The following MTBP variants were observed in gnomAD, a reference collection of about 807,000 sequenced individuals.
MTBP encodes the protein mdm2-binding protein.
Under a neutral mutation model 117.0 loss-of-function variants are expected in MTBP, and 101 were observed. The ratio of observed to expected loss-of-function variants is 0.86; its 90% confidence interval spans 0.73 to 1.02. The LOEUF (loss-of-function observed/expected upper bound fraction) is 1.02. MTBP is among the 50% of genes least tolerant of loss of function. The pLI is 0.00. For missense variants in MTBP, 970 were observed against 1,030.9 expected (o/e 0.94, Z 0.81); for synonymous variants, 350 against 351.5 (o/e 1.00, Z 0.05).
chr8:120,457,011 T>G (rs911262917), intron 7 of MTBP, among the ~76,000 whole-genome samples: 1 of 152,178 alleles, frequency 6.6e-6, no homozygotes, highest in African/African-American at 2.4e-5. Flanking sequence ...TTAATCGAGT[T>G]CATGTTGTTT....
At position 120,446,626 on chromosome 8, in the gene MTBP, A is replaced by G. The variant is rs193083272; in HGVS notation, c.199+113A>G. On this transcript the variant is annotated intron_variant, in intron 2 of 21. Coordinates refer to ENST00000305949, the MANE Select transcript of MTBP (RefSeq NM_022045.5). The stretch of plus-strand genomic sequence containing the variant: ...AATACTTCTTGACTGTGTACAAGGC[A>G]CTGAGTTACAGAGATAACTAAGGGA... The G allele has an allele frequency of 5.8e-6, 4 of 683,950 alleles. No individual in the cohort carries two copies. In the East Asian group the frequency reaches 1.0e-4, roughly 17 times the overall value. 42.4% of individuals were successfully genotyped at this position (683,950 alleles called of 1,614,324 possible).
intron 16 of MTBP, among the ~76,000 whole-genome samples, chr8:120,507,882 AT>A (rs1381373090): frequency 3.9e-5 from 6 of 152,102 alleles, no homozygotes; most frequent in Non-Finnish European, 7.4e-5. Context: ...GTTTTCATCT[AT>A]TTAGTTATTG....
In MTBP at chr8:120,522,699, G is replaced by C; in HGVS notation, c.2656G>C (p.Ala886Pro). ...TCTATTTGAAGAAATGAAGAAAACA[G>C]CAAACAACAATGCTGTACAGGTAAA... ...RGLFEEMKKT[A>P]NNNAVQVIDW... Residue 886 changes from alanine to proline, a missense_variant, in exon 21 of 22, where the codon GCA (alanine) becomes CCA (proline). Ala to Pro is a conservative substitution (Grantham distance 27). Transcript: ENST00000305949. The C allele has an allele frequency of 6.2e-7, 1 of 1,606,142 alleles. No homozygotes were observed. Among genetic ancestry groups the C allele is most frequent in the South Asian group, 1.1e-5 (1 of 90,078 alleles).
intron 2 of MTBP, among the ~76,000 whole-genome samples, chr8:120,446,996 C>A (rs1170775064): frequency 6.6e-6 from 1 of 152,146 alleles, no homozygotes; most frequent in African/African-American, 2.4e-5. Flanking sequence ...AAGTATTTCG[C>A]TTTTTTGACC....
intron 14 of MTBP, among the ~76,000 whole-genome samples, chr8:120,499,118 T>A (rs1358665013): frequency 1.3e-5 from 2 of 152,200 alleles, no homozygotes; most frequent in Non-Finnish European, 2.9e-5. Context: ...CTTCATATGG[T>A]TTGTAAAAAC....
chr8:120,485,819 A>G (rs1312721889), intron 11 of MTBP, among the ~76,000 whole-genome samples: 2 of 152,152 alleles, frequency 1.3e-5, no homozygotes, highest in African/African-American at 4.8e-5. Flanking sequence ...TGAGTTGGCT[A>G]GGCAATTTTA....
chr8:120,459,302 C>CT lies in MTBP; in HGVS notation c.837dup (p.Ala280CysfsTer10). 10 of 1,611,692 alleles carry CT rather than the reference C, an allele frequency of 6.2e-6. No individual in the cohort carries two copies. Among genetic ancestry groups the CT allele is most frequent in the Non-Finnish European group, 8.5e-6 (10 of 1,179,048 alleles). On this transcript the variant is annotated frameshift_variant, in exon 8 of 22. Coordinates refer to ENST00000305949, the MANE Select transcript of MTBP (RefSeq NM_022045.5). LOFTEE classifies it high-confidence loss of function. ...TACTTCTAATTTAAATACTGACTTC[C>CT]TTGCCAAAAAGATCATACCATCAAA...
intron 17 of MTBP, among the ~76,000 whole-genome samples, chr8:120,513,949 C>G (rs773155159): frequency 6.6e-6 from 1 of 151,886 alleles, no homozygotes; most frequent in Non-Finnish European, 1.5e-5. Context: ...GTTCTACTCC[C>G]TACTCTGCCA....
chr8:120,506,423 A>G (rs998547878), intron 15 of MTBP, among the ~76,000 whole-genome samples: 1 of 152,150 alleles, frequency 6.6e-6, no homozygotes, highest in African/African-American at 2.4e-5. Context: ...AGATAATGTA[A>G]TTATGTTTCT....
At chr8:120,480,693 A>G (rs1814062305) in intron 11 of MTBP, among the ~76,000 whole-genome samples, 1 of 152,110 alleles carries the variant, frequency 6.6e-6, no homozygotes, top group Non-Finnish European at 1.5e-5. Context: ...TTATGTATAT[A>G]TATTTATATA....
intron 15 of MTBP, among the ~76,000 whole-genome samples, chr8:120,504,992 A>T (rs1290213249): frequency 6.6e-6 from 1 of 151,948 alleles, no homozygotes; most frequent in Non-Finnish European, 1.5e-5. Context: ...TATTAATTAG[A>T]ATTTTCTTTA....
intron 14 of MTBP, among the ~76,000 whole-genome samples, chr8:120,500,745 T>G (rs115937425): frequency 0.014 from 2,089 of 152,348 alleles, 43 homozygotes; most frequent in African/African-American, 0.046. Flanking sequence ...AATTTTCATT[T>G]ATGTTTCTTG....
At chr8:120,460,961 A>T (rs1813570428) in intron 8 of MTBP, among the ~76,000 whole-genome samples, 200 bp from the exon 9 acceptor site, 1 of 152,086 alleles carries the variant, frequency 6.6e-6, no homozygotes, top group South Asian at 2.1e-4. Context: ...AGTGATCTCC[A>T]TGTCTGTTTC....
intron 11 of MTBP, among the ~76,000 whole-genome samples, chr8:120,478,758 G>A (rs1814002964): frequency 1.3e-5 from 2 of 152,094 alleles, no homozygotes; most frequent in South Asian, 2.1e-4. Context: ...AAAATAGTGG[G>A]CTGACATCAA....
intron 16 of MTBP, 67 bp downstream of exon 16, chr8:120,506,928 A>C: frequency 1.4e-4 from 189 of 1,362,652 alleles, no homozygotes; most frequent in Non-Finnish European, 1.7e-4. Flanking sequence ...ATTGTGTCTC[A>C]TTTCCTTATT....
chr8:120,518,631 G>T, intron 19 of MTBP, 73 bp from the exon 20 acceptor site: 1 of 953,110 alleles, frequency 1.0e-6, no homozygotes, highest in South Asian at 1.8e-5. Context: ...TCACAGGATT[G>T]AACTCTAAAG....
chr8:120,457,642 T>C (rs1409285879), intron 7 of MTBP, among the ~76,000 whole-genome samples: 3 of 152,066 alleles, frequency 2.0e-5, no homozygotes, highest in African/African-American at 7.2e-5. Flanking sequence ...CCACATAGGC[T>C]GGGCGCAGTG....
chr8:120,518,938 A>AATGATGGAGAT, intron 20 of MTBP, 121 bp downstream of exon 20: 1 of 584,004 alleles, frequency 1.7e-6, no homozygotes, highest in Non-Finnish European at 3.0e-6. Context: ...AGATTTATTA[A>AATGATGGAGAT]ATGATGGAGA....
Position 120,510,499 on chromosome 8 carries a change from A to G in MTBP, c.1979+470A>G, listed in dbSNP as rs539950844. On this transcript the variant is annotated intron_variant, in intron 17 of 21. Transcript: ENST00000305949. ...TAGGAGGATATCAATAGGAAAATAGATAAACTATGGTATATTTATATAAAG... is the reference window on the plus strand; with the variant it reads ...TAGGAGGATATCAATAGGAAAATAGGTAAACTATGGTATATTTATATAAAG... 1.4e-4 allele frequency among the ~76,000 whole-genome samples: 22 copies of G among 152,316 alleles called. No homozygotes were observed. In the South Asian group the frequency reaches 4.4e-3, roughly 30 times the overall value.
Sources: gnomAD v4.1 joint callset for allele counts (sites outside exome capture counted in the v4.1 genomes callset) on GRCh38, gnomAD v4.1.1 for gene constraint, MANE v1.5 for transcripts, NCBI Gene and HGNC (gene_info 2026-07-23, HGNC 2026-07-21) for gene names.